SIDT1: variants seen among roughly 807,000 people sequenced by gnomAD.
The protein encoded by SIDT1 is SID1 transmembrane family, member 1.
Under a neutral mutation model 107.5 loss-of-function variants are expected in SIDT1, and 101 were observed. That is an observed-to-expected ratio of 0.94 (90% CI 0.80 to 1.11). SIDT1 has a LOEUF of 1.11. SIDT1 is among the 50% of genes least tolerant of loss of function. The pLI is 0.00. For synonymous variants in SIDT1, 395 were observed against 398.2 expected (o/e 0.99, Z 0.10); for missense variants, 1,076 against 1,058.2 (o/e 1.02, Z -0.23).
chr3:113,553,963 C>T (rs1940564643), intron 1 of SIDT1, among the ~76,000 whole-genome samples: 1 of 152,192 alleles, frequency 6.6e-6, no homozygotes, highest in South Asian at 2.1e-4. Flanking sequence ...AGGAGAATCG[C>T]TTGAACCCAG....
chr3:113,590,850 G>A (rs1938985631), intron 9 of SIDT1, among the ~76,000 whole-genome samples: 1 of 152,186 alleles, frequency 6.6e-6, no homozygotes, highest in South Asian at 2.1e-4. Flanking sequence ...TGCATGGATT[G>A]GAAGATTTAA....
At chr3:113,579,734 A>T (rs893277369) in intron 4 of SIDT1, among the ~76,000 whole-genome samples, 2 of 152,194 alleles carry the variant, frequency 1.3e-5, no homozygotes, top group Non-Finnish European at 2.9e-5. Context: ...TGATAGATTT[A>T]TTAGAGTCTT....
chr3:113,581,289 A>G (rs1320507550), intron 5 of SIDT1, 72 bp from the exon 6 acceptor site: 4 of 1,220,246 alleles, frequency 3.3e-6, no homozygotes, highest in Non-Finnish European at 4.8e-6. Flanking sequence ...AGATGCTGAC[A>G]GGACCTATGT....
At chr3:113,591,046 C>T (rs1361333790) in intron 9 of SIDT1, among the ~76,000 whole-genome samples, 1 of 151,980 alleles carries the variant, frequency 6.6e-6, no homozygotes, top group East Asian at 1.9e-4. Context: ...ATGAAGGAGA[C>T]AAAAAGGTCA....
chr3:113,626,046 C>T, intron 23 of SIDT1, 56 bp from the exon 24 acceptor site: 5 of 1,229,206 alleles, frequency 4.1e-6, no homozygotes, highest in Non-Finnish European at 6.0e-6. Flanking sequence ...ACGTTCAACT[C>T]TTTGAACAGT....
chr3:113,598,810 A>AG (rs56373156), intron 10 of SIDT1, among the ~76,000 whole-genome samples: 151,729 of 152,332 alleles, frequency 1, 75,566 homozygotes, highest in East Asian at 1. Flanking sequence ...ATTTCAAATA[A>AG]GGACATAGGT....
chr3:113,533,026 G>A lies in SIDT1; in HGVS notation c.5G>A (p.Arg2His). The change falls in exon 1 of 25, where the codon CGC (arginine) becomes CAC (histidine). Residue 2 changes from arginine (R) to histidine (H), a missense_variant. Physicochemically the swap from Arg to His is conservative, Grantham distance 29. Transcript: ENST00000264852. M[R>H]GCLRLALLCA... is the part of the protein sequence containing the mutation. ...AGCCCGGGCGCGGTGCCCACCATGC[G>A]CGGCTGCCTGCGGCTCGCGCTGCTC... 1 of 1,368,396 alleles carries A rather than the reference G, an allele frequency of 7.3e-7. No individual in the cohort carries two copies. The highest frequency in any genetic ancestry group is 3.1e-5 in the East Asian group (1 of 32,330). 84.8% of individuals were successfully genotyped at this position (1,368,396 alleles called of 1,614,324 possible).
intron 17 of SIDT1, among the ~76,000 whole-genome samples, chr3:113,609,119 G>A (rs529139043): frequency 7.5e-6 from 1 of 134,032 alleles, no homozygotes; most frequent in South Asian, 2.5e-4. Flanking sequence ...CTGGAGTGCA[G>A]TGGCATGATC....
intron 1 of SIDT1, among the ~76,000 whole-genome samples, chr3:113,559,435 A>ATT (rs57171720): frequency 3.5e-5 from 5 of 143,060 alleles, no homozygotes; most frequent in South Asian, 2.2e-4. Flanking sequence ...CTTTTTATTT[A>ATT]TTTTTTTTTT....
intron 1 of SIDT1, among the ~76,000 whole-genome samples, chr3:113,558,613 C>CA (rs1941123427): frequency 6.6e-6 from 1 of 152,192 alleles, no homozygotes; most frequent in Admixed American, 6.5e-5. Flanking sequence ...TCCTGTAGTG[C>CA]AACACCCTGC....
Position 113,623,659 on chromosome 3 carries a change from T to G in SIDT1, c.2233T>G (p.Phe745Val), listed in dbSNP as rs761526098. The G allele has an allele frequency of 1.9e-6, 3 of 1,614,064 alleles. No individual in the cohort carries two copies. The highest frequency in any genetic ancestry group is 3.3e-5 in the Admixed American group (2 of 60,014). ...SSEKVLPVPLFCIVATAVMWA... is the reference protein window; with the variant it reads ...SSEKVLPVPLVCIVATAVMWA... The stretch of plus-strand genomic sequence containing the variant: ...TGAAAAGGTCCTCCCAGTCCCGCTC[T>G]TCTGCATCGTGGCCACCGCTGTGAT... The change falls in exon 23 of 25, where the codon TTC (phenylalanine) becomes GTC (valine). Residue 745 changes from phenylalanine (F) to valine (V), a missense_variant. Coordinates refer to ENST00000264852, the MANE Select transcript of SIDT1 (RefSeq NM_017699.3).
chr3:113,603,166 C>T lies in SIDT1; in HGVS notation c.1263+16C>T, dbSNP rs1387406299. 2.5e-6 allele frequency: 4 copies of T among 1,606,580 alleles called. No homozygotes were observed. Among genetic ancestry groups the T allele is most frequent in the East Asian group, 2.2e-5 (1 of 44,536 alleles). On this transcript the variant is annotated intron_variant, in intron 12 of 24. Coordinates refer to ENST00000264852, the MANE Select transcript of SIDT1 (RefSeq NM_017699.3). Reference sequence around the variant, plus strand: ...CCGGACCAAGGTACCCACTCTGCCTCGCCGTACTCTTTGAGAGGGCAGAAA... The same window carrying T: ...CCGGACCAAGGTACCCACTCTGCCTTGCCGTACTCTTTGAGAGGGCAGAAA...
chr3:113,556,847 TC>T (rs1940928545), intron 1 of SIDT1, among the ~76,000 whole-genome samples: 5 of 48,636 alleles, frequency 1.0e-4, no homozygotes. Context: ...TGAAATAGAG[TC>T]TGGCTCTGTC....
intron 1 of SIDT1, among the ~76,000 whole-genome samples, chr3:113,541,738 T>C (rs1280947596): frequency 6.6e-6 from 1 of 152,160 alleles, no homozygotes; most frequent in African/African-American, 2.4e-5. Flanking sequence ...TATAAAATCC[T>C]TGTCTCACAT....
At chr3:113,579,199 G>T (rs978080754) in intron 4 of SIDT1, among the ~76,000 whole-genome samples, 1 of 152,240 alleles carries the variant, frequency 6.6e-6, no homozygotes, top group South Asian at 2.1e-4. Flanking sequence ...GGTATTTGTC[G>T]TTCGCTTCTT....
intron 1 of SIDT1, among the ~76,000 whole-genome samples, chr3:113,562,910 G>T (rs1194495221): frequency 6.6e-6 from 1 of 152,176 alleles, no homozygotes; most frequent in East Asian, 1.9e-4. Flanking sequence ...AAGTAATAAA[G>T]TTGACTACAT....
intron 1 of SIDT1, among the ~76,000 whole-genome samples, chr3:113,543,174 C>G (rs1228043193): frequency 6.6e-6 from 1 of 152,100 alleles, no homozygotes; most frequent in Non-Finnish European, 1.5e-5. Flanking sequence ...CTCCTGAACT[C>G]AGGTGATCCA....
chr3:113,533,376 C>G, intron 1 of SIDT1, 133 bp downstream of exon 1: 1 of 657,900 alleles, frequency 1.5e-6, no homozygotes, highest in East Asian at 3.4e-5. Context: ...CCTTTCTCCT[C>G]CGAAGCAATC....
rs1946984766 is a variant in SIDT1, at chr3:113,628,320, C to G, written c.*612C>G. On this transcript the variant is annotated 3_prime_UTR_variant, in exon 25 of 25. Transcript: ENST00000264852. ...GGTTTCTGATGCCATCAGAAGGGCT[C>G]AGGAGTGGGGTTTGTCACACATTCC... 1 of 153,118 alleles carries G rather than the reference C, an allele frequency of 6.5e-6. No individual in the cohort carries two copies. Among genetic ancestry groups the G allele is most frequent in the Non-Finnish European group, 1.5e-5 (1 of 68,478 alleles). The allele number at this position is 153,118 out of a possible 1,614,324, so 9.5% of individuals were successfully genotyped here. A position where few individuals can be genotyped will look rare whatever the true frequency, so the allele number is the denominator to read the frequency against.
Sources: allele counts gnomAD v4.1 joint callset (sites outside exome capture counted in the v4.1 genomes callset), GRCh38; gene constraint gnomAD v4.1.1; transcripts MANE v1.5; gene names NCBI Gene and HGNC (gene_info 2026-07-23, HGNC 2026-07-21).